PLCE1: variants seen among roughly 807,000 people sequenced by gnomAD.
PLCE1 encodes the protein 1-phosphatidylinositol 4,5-bisphosphate phosphodiesterase epsilon-1.
PLCE1 carries 119 observed loss-of-function variants against 242.8 expected under a neutral mutation model. The observed-to-expected ratio is 0.49, with a 90% CI of 0.42 to 0.57. PLCE1 has a LOEUF of 0.57. PLCE1 is among the 20% of genes least tolerant of loss of function. The pLI, the probability that PLCE1 is intolerant of heterozygous loss-of-function variation, is 0.00. For missense variants in PLCE1, 2,441 were observed against 2,788.8 expected, an observed-to-expected ratio of 0.88 and a Z score of 2.81; for synonymous variants, 945 against 1,017.4, an observed-to-expected ratio of 0.93 and a Z score of 1.35.
intron 2 of PLCE1, among the ~76,000 whole-genome samples, chr10:94,121,320 G>T (rs1390768944): frequency 6.6e-6 from 1 of 152,178 alleles, no homozygotes; most frequent in Non-Finnish European, 1.5e-5. Flanking sequence ...CCCAGTCCAG[G>T]TACTTCAACA....
intron 19 of PLCE1, among the ~76,000 whole-genome samples, chr10:94,275,931 C>G (rs113475053): frequency 1.3e-5 from 2 of 152,214 alleles, no homozygotes; most frequent in Admixed American, 6.5e-5. Flanking sequence ...GTTCTTATGC[C>G]CAGCGTTCCC....
intron 3 of PLCE1, among the ~76,000 whole-genome samples, chr10:94,169,485 A>G (rs542932000): frequency 6.6e-6 from 1 of 152,236 alleles, no homozygotes; most frequent in South Asian, 2.1e-4. Context: ...GGAGAGGAGG[A>G]AACACATGCC....
At position 94,304,633 on chromosome 10, in the gene PLCE1, C is replaced by G; in HGVS notation, c.5610C>G (p.Val1870=). The G allele has an allele frequency of 6.2e-7, 1 of 1,613,924 alleles. No homozygotes were observed. Among genetic ancestry groups the G allele is most frequent in the South Asian group, 1.1e-5 (1 of 91,068 alleles). Residue 1870 remains valine (V), a synonymous_variant, in exon 25 of 33, where the codon GTC becomes GTG. Coordinates refer to ENST00000371380, the MANE Select transcript of PLCE1 (RefSeq NM_016341.4). The part of the protein sequence containing the change: ...ERDLDSMDPA[V]YSLTIVSGQN... ...ATCTGGACAGCATGGATCCTGCAGT[C>G]TATTCTTTAACTGTAAGTACGGCCC...
chr10:94,243,566 T>C (rs2050581362), intron 7 of PLCE1, among the ~76,000 whole-genome samples: 1 of 152,224 alleles, frequency 6.6e-6, no homozygotes, highest in African/African-American at 2.4e-5. Flanking sequence ...TACACTGTCT[T>C]TGGAATTTTC....
At chr10:94,252,952 G>C (rs2050932656) in intron 9 of PLCE1, among the ~76,000 whole-genome samples, 1 of 152,206 alleles carries the variant, frequency 6.6e-6, no homozygotes, top group Non-Finnish European at 1.5e-5. Context: ...AGCACATGCT[G>C]TTCTGGATGG....
At chr10:94,098,164 A>G (rs1363653429) in intron 2 of PLCE1, among the ~76,000 whole-genome samples, 1 of 152,214 alleles carries the variant, frequency 6.6e-6, no homozygotes, top group African/African-American at 2.4e-5. Context: ...CTCTCGTGGA[A>G]GACAAGTAGT....
At chr10:94,001,450 CATA>C (rs952059069) in intron 1 of PLCE1, among the ~76,000 whole-genome samples, 2 of 152,056 alleles carry the variant, frequency 1.3e-5, no homozygotes, top group African/African-American at 4.8e-5. Context: ...GGAATAGCCA[CATA>C]ATAATAATAA....
At chr10:94,290,807 T>C (rs1385225745) in intron 22 of PLCE1, among the ~76,000 whole-genome samples, 1 of 152,202 alleles carries the variant, frequency 6.6e-6, no homozygotes, top group Non-Finnish European at 1.5e-5. Flanking sequence ...AACATATTTA[T>C]TATTATTACC....
At chr10:94,042,246 G>T (rs577577630) in intron 2 of PLCE1, among the ~76,000 whole-genome samples, 1 of 152,266 alleles carries the variant, frequency 6.6e-6, no homozygotes, top group African/African-American at 2.4e-5. Context: ...AAGGGCAGAG[G>T]ATTTGGCTAA....
chr10:94,255,912 ACACTCTCT>A (rs1490708063), intron 11 of PLCE1, among the ~76,000 whole-genome samples: 61 of 87,016 alleles, frequency 7.0e-4, no homozygotes, highest in Non-Finnish European at 1.1e-3. Flanking sequence ...ACACACACAC[ACACTCTCT>A]CTCTCTCTCT....
chr10:94,279,947 A>G, intron 20 of PLCE1, 36 bp downstream of exon 20: 1 of 1,609,738 alleles, frequency 6.2e-7, no homozygotes, highest in Non-Finnish European at 8.5e-7. Context: ...TGCACAGGAA[A>G]ATTCTTGGAT....
rs1456261747 is a variant in PLCE1, at chr10:94,325,292, C to A, written c.*24+188C>A. The A allele has an allele frequency of 7.2e-6, 4 of 557,222 alleles. No individual in the cohort carries two copies. The East Asian group carries it at 9.5e-5, about 13-fold the overall frequency. The allele number at this position is 557,222 out of a possible 1,614,324, so 34.5% of individuals were successfully genotyped here. A position where few individuals can be genotyped will look rare whatever the true frequency, so the allele number is the denominator to read the frequency against. Reference sequence around the variant, plus strand: ...GTGTAACATGATATGCTATTGAACACCGCCTATAAAGAAAAAGGGAAAGAG... The same window carrying A: ...GTGTAACATGATATGCTATTGAACAACGCCTATAAAGAAAAAGGGAAAGAG... On this transcript the variant is annotated intron_variant, in intron 32 of 32. Coordinates refer to ENST00000371380, the MANE Select transcript of PLCE1 (RefSeq NM_016341.4).
intron 20 of PLCE1, among the ~76,000 whole-genome samples, chr10:94,282,310 A>G (rs1391048789): frequency 6.6e-6 from 1 of 151,994 alleles, no homozygotes; most frequent in Non-Finnish European, 1.5e-5. Flanking sequence ...AATGAGAGTT[A>G]TTTATCTGAG....
At chr10:94,242,787 C>T (rs1330295393) in intron 7 of PLCE1, among the ~76,000 whole-genome samples, 2 of 152,112 alleles carry the variant, frequency 1.3e-5, no homozygotes, top group African/African-American at 4.8e-5. Context: ...CAAGAACCAA[C>T]TGGAAGAGCT....
chr10:94,146,705 G>A (rs922395768), intron 3 of PLCE1, among the ~76,000 whole-genome samples: 3 of 152,214 alleles, frequency 2.0e-5, no homozygotes, highest in Admixed American at 6.5e-5. Flanking sequence ...AAGGGTCTTC[G>A]AGTGGGTTAA....
intron 1 of PLCE1, among the ~76,000 whole-genome samples, chr10:94,012,450 G>A (rs2061188042): frequency 1.3e-5 from 2 of 151,936 alleles, no homozygotes; most frequent in South Asian, 4.2e-4. Flanking sequence ...GGAGGGGTAA[G>A]GCTTAGGGAA....
At chr10:94,233,793 T>C (rs2050224702) in intron 5 of PLCE1, among the ~76,000 whole-genome samples, 2 of 151,706 alleles carry the variant, frequency 1.3e-5, no homozygotes, top group Admixed American at 1.3e-4. Context: ...ACTAAAAATA[T>C]AAAAATTAGC....
intron 29 of PLCE1, among the ~76,000 whole-genome samples, chr10:94,318,919 G>C (rs2053673403): frequency 6.6e-6 from 1 of 152,138 alleles, no homozygotes; most frequent in African/African-American, 2.4e-5. Context: ...GTGGTAGCAG[G>C]CACCTGTAGT....
chr10:94,191,898 G>A (rs1465357477), intron 4 of PLCE1, among the ~76,000 whole-genome samples: 1 of 152,210 alleles, frequency 6.6e-6, no homozygotes, highest in Admixed American at 6.5e-5. Flanking sequence ...CAGCTGCAAA[G>A]CTGGGAAGAA....
Sources: gnomAD v4.1 joint callset for allele counts (sites outside exome capture counted in the v4.1 genomes callset) on GRCh38, gnomAD v4.1.1 for gene constraint, MANE v1.5 for transcripts, NCBI Gene and HGNC (gene_info 2026-07-23, HGNC 2026-07-21) for gene names.